The following DPY19L4 variants were observed in gnomAD, a reference collection of about 807,000 sequenced individuals.
DPY19L4 encodes probable C-mannosyltransferase DPY19L4.
In DPY19L4, 97 loss-of-function variants were observed where a neutral mutation model predicts 102.8. The observed-to-expected ratio is 0.94, with a 90% CI of 0.80 to 1.12. DPY19L4 has a LOEUF of 1.12. Ranked by LOEUF, DPY19L4 falls within the 50% of genes most tolerant of loss-of-function variation. The probability of loss-of-function intolerance (pLI) is 0.00; values close to 1 mark genes in which losing one functional copy is unlikely to be tolerated. For synonymous variants in DPY19L4, 252 were observed against 283.1 expected (o/e 0.89, Z 1.10); for missense variants, 815 against 850.4 (o/e 0.96, Z 0.52).
intron 4 of DPY19L4, among the ~76,000 whole-genome samples, chr8:94,739,197 A>G (rs963861933): frequency 1.3e-5 from 2 of 152,014 alleles, no homozygotes; most frequent in Non-Finnish European, 2.9e-5. Flanking sequence ...GATAACTTCT[A>G]TTCTGCTATA....
intron 16 of DPY19L4, among the ~76,000 whole-genome samples, chr8:94,782,759 G>A (rs945653985): frequency 6.6e-6 from 1 of 152,076 alleles, no homozygotes; most frequent in African/African-American, 2.4e-5. Context: ...TATACAAATA[G>A]TTTTCTTTAG....
chr8:94,764,079 G>A (rs185491037), intron 8 of DPY19L4, among the ~76,000 whole-genome samples: 9 of 152,254 alleles, frequency 5.9e-5, no homozygotes, highest in Admixed American at 5.9e-4. Flanking sequence ...TACTCTGATG[G>A]TGCATTTCAT....
chr8:94,773,169 G>A (rs956648698), intron 13 of DPY19L4, among the ~76,000 whole-genome samples: 4 of 148,116 alleles, frequency 2.7e-5, no homozygotes, highest in East Asian at 2.0e-4. Flanking sequence ...AGCCAAGATC[G>A]TGCCACTGCA....
rs1812777719 is a variant in DPY19L4 at position 94,768,481 on chromosome 8, T to C, written c.1262T>C (p.Leu421Ser). 1 of 1,600,554 alleles carries C rather than the reference T, an allele frequency of 6.2e-7. No individual in the cohort carries two copies. Among genetic ancestry groups the C allele is most frequent in the African/African-American group, 1.3e-5 (1 of 74,458 alleles). The change falls in exon 12 of 19, where the codon TTA becomes TCA. Residue 421 changes from leucine (L) to serine (S), a missense_variant. Leu to Ser is a moderately radical substitution (Grantham distance 145). Coordinates refer to ENST00000414645, the MANE Select transcript of DPY19L4 (RefSeq NM_181787.3). ...DFFLRLTQSSLLPFYILVLII... is the reference protein window; with the variant it reads ...DFFLRLTQSSSLPFYILVLII... ...TTTCTGCGATTGACACAGTCTTCTTTATTACCTTTCTACATTCTAGTGTTA... is the reference window on the plus strand; with the variant it reads ...TTTCTGCGATTGACACAGTCTTCTTCATTACCTTTCTACATTCTAGTGTTA...
At chr8:94,744,137 C>T (rs1811566311) in intron 6 of DPY19L4, among the ~76,000 whole-genome samples, 2 of 152,082 alleles carry the variant, frequency 1.3e-5, no homozygotes, top group South Asian at 4.2e-4. Flanking sequence ...TCAGGAATCC[C>T]AAGAGGTTTA....
rs548146350 is a variant in DPY19L4, at chr8:94,774,873, A to G, written c.1455-2793A>G. Among the ~76,000 whole-genome samples the G allele has an allele frequency of 1.4e-4, 22 of 152,082 alleles. No individual in the cohort carries two copies. The East Asian group carries it at 2.3e-3, about 16-fold the overall frequency. On this transcript the variant is annotated intron_variant, in intron 13 of 18. Transcript: ENST00000414645. ...ATTACAGCCATGAGCCACCGCGCCC[A>G]GCCTTTATTTTCCATTTCTATGAAT...
intron 2 of DPY19L4, among the ~76,000 whole-genome samples, chr8:94,733,573 G>A (rs1393193312): frequency 6.6e-6 from 1 of 151,952 alleles, no homozygotes; most frequent in Non-Finnish European, 1.5e-5. Context: ...ACAGAGTCTT[G>A]CTCTGTTGCC....
intron 2 of DPY19L4, among the ~76,000 whole-genome samples, chr8:94,730,039 C>A (rs1810877391): frequency 6.6e-6 from 1 of 150,770 alleles, no homozygotes; most frequent in South Asian, 2.1e-4. Flanking sequence ...AAAATTTTGG[C>A]ATAAGTGTGG....
At chr8:94,741,521 A>G (rs766574973) in intron 6 of DPY19L4, among the ~76,000 whole-genome samples, 1 of 152,196 alleles carries the variant, frequency 6.6e-6, no homozygotes, top group Non-Finnish European at 1.5e-5. Context: ...CTTAATTTCA[A>G]TTTACCAATT....
At chr8:94,752,554 C>G (rs1423078630) in intron 6 of DPY19L4, among the ~76,000 whole-genome samples, 1 of 140,192 alleles carries the variant, frequency 7.1e-6, no homozygotes, top group Non-Finnish European at 1.5e-5. Context: ...TCACTGCACT[C>G]CAGCCTGGGT....
chr8:94,781,201 TATTA>T (rs775540351), intron 16 of DPY19L4, 35 bp downstream of exon 16: 5 of 1,452,662 alleles, frequency 3.4e-6, no homozygotes, highest in Middle Eastern at 1.8e-4. Context: ...ATTATTAAGC[TATTA>T]ATTAATCACT....
At chr8:94,758,340 T>A (rs1290174301) in intron 7 of DPY19L4, among the ~76,000 whole-genome samples, 3 of 152,180 alleles carry the variant, frequency 2.0e-5, no homozygotes, top group Non-Finnish European at 4.4e-5. Context: ...ATACTGTTAA[T>A]TCAGGCACTG....
intron 8 of DPY19L4, among the ~76,000 whole-genome samples, chr8:94,764,764 CTGTTGCCCAGGCTGGAGTGCAG>C (rs1727608504): frequency 2.0e-5 from 2 of 101,732 alleles, no homozygotes; most frequent in Non-Finnish European, 3.6e-5. Flanking sequence ...GAGTCTTGTG[CTGTTGCCCAGGCTGGAGTGCAG>C]TGGTGCGATT....
rs538613517 is a variant in DPY19L4 at position 94,773,023 on chromosome 8, C to A, written c.1454+2452C>A. Among the ~76,000 whole-genome samples, 4 of 152,152 alleles carry A rather than the reference C, an allele frequency of 2.6e-5. No homozygotes were observed. In the South Asian group the frequency reaches 8.3e-4, roughly 32 times the overall value. On this transcript the variant is annotated intron_variant, in intron 13 of 18. Transcript: ENST00000414645. ...GGTCAGGAGTTTGAAACCAGCCTGG[C>A]CAACATGGTGAAACCCCGTCTTTAT...
Position 94,734,738 on chromosome 8 carries a change from G to C in DPY19L4, c.236G>C (p.Trp79Ser), listed in dbSNP as rs768252823. Residue 79 changes from tryptophan (W) to serine (S), a missense_variant, in exon 3 of 19, where the codon TGG becomes TCG. Physicochemically the swap from Trp to Ser is radical, Grantham distance 177. Coordinates refer to ENST00000414645, the MANE Select transcript of DPY19L4 (RefSeq NM_181787.3). Reference protein sequence around the residue: ...YLSAYHERKFWFSNRQELERE... With the variant: ...YLSAYHERKFSFSNRQELERE... ...TCAGCATACCATGAACGGAAATTCTGGTTTTCCAACAGGCAGGTAAGAAGA... is the reference window on the plus strand; with the variant it reads ...TCAGCATACCATGAACGGAAATTCTCGTTTTCCAACAGGCAGGTAAGAAGA... The C allele has an allele frequency of 1.1e-5, 18 of 1,613,190 alleles. No homozygotes were observed. In the African/African-American group the frequency reaches 2.3e-4, roughly 20 times the overall value.
rs1034832373 is a variant in DPY19L4 at position 94,774,867 on chromosome 8, G to A, written c.1455-2799G>A. ...GCTGGGATTACAGCCATGAGCCACC[G>A]CGCCCAGCCTTTATTTTCCATTTCT... On this transcript the variant is annotated intron_variant, in intron 13 of 18. Coordinates refer to ENST00000414645, the MANE Select transcript of DPY19L4 (RefSeq NM_181787.3). 3.9e-5 allele frequency among the ~76,000 whole-genome samples: 6 copies of A among 151,998 alleles called. No individual in the cohort carries two copies. In the South Asian group the frequency reaches 6.2e-4, roughly 16 times the overall value.
intron 4 of DPY19L4, 100 bp from the exon 5 acceptor site, chr8:94,739,313 A>G: frequency 4.4e-6 from 6 of 1,359,798 alleles, no homozygotes; most frequent in Non-Finnish European, 5.8e-6. Context: ...TCTATTTGGG[A>G]TCTTTCTTGA....
chr8:94,788,095 A>ATATATATATATATTTT lies in DPY19L4; in HGVS notation c.2007+44_2007+45insATATATATATATTTTT, dbSNP rs778540423. The ATATATATATATATTTT allele has an allele frequency of 1.2e-5, 11 of 939,260 alleles. 1 individual carries two copies. In the African/African-American group the frequency reaches 2.3e-4, roughly 20 times the overall value. 58.2% of individuals were successfully genotyped at this position (939,260 alleles called of 1,614,324 possible). ...AAGTTATATATATGTATATATATATATTTTTTTTTTAGAAAAATGACTTTA... is the reference window on the plus strand; with the variant it reads ...AAGTTATATATATGTATATATATATATATATATATATATTTTTTTTTTTTTTAGAAAAATGACTTTA... On this transcript the variant is annotated intron_variant, in intron 18 of 18. Transcript: ENST00000414645.
chr8:94,788,304 T>C (rs1813744808), intron 18 of DPY19L4, among the ~76,000 whole-genome samples: 1 of 152,040 alleles, frequency 6.6e-6, no homozygotes, highest in Non-Finnish European at 1.5e-5. Context: ...AATTCCTTAT[T>C]CATTGCCTGT....
Sources: gnomAD v4.1 joint callset for allele counts (sites outside exome capture counted in the v4.1 genomes callset) on GRCh38, gnomAD v4.1.1 for gene constraint, MANE v1.5 for transcripts, NCBI Gene and HGNC (gene_info 2026-07-23, HGNC 2026-07-21) for gene names.